The following B4GALT2 variants were observed in gnomAD, a reference collection of about 807,000 sequenced individuals.
The protein encoded by B4GALT2 is N-acetyllactosamine synthase.
Under a neutral mutation model 33.2 loss-of-function variants are expected in B4GALT2, and 18 were observed. That is an observed-to-expected ratio of 0.54 (90% CI 0.38 to 0.80). The LOEUF (loss-of-function observed/expected upper bound fraction) is 0.80. B4GALT2 is among the 30% of genes least tolerant of loss of function. The pLI, the probability that B4GALT2 is intolerant of heterozygous loss-of-function variation, is 0.00. For synonymous variants in B4GALT2, 214 were observed against 217.6 expected (o/e 0.98, Z 0.15); for missense variants, 404 against 526.2 (o/e 0.77, Z 2.27).
At chr1:43,989,997 A>T (rs2085708034) in intron 6 of B4GALT2, among the ~76,000 whole-genome samples, 1 of 152,254 alleles carries the variant, frequency 6.6e-6, no homozygotes. Flanking sequence ...CTTGCCTGGC[A>T]TGGCCTTAGA....
In B4GALT2 at chr1:43,985,298, T is replaced by C; in HGVS notation, c.761T>C (p.Phe254Ser). ...FGFRLPYAGY[F>S]GGVSGLSKAQ... ...CACAGGCTTCCCTATGCTGGCTACT[T>C]TGGAGGTGTGTCAGGCCTGAGTAAG... Residue 254 changes from phenylalanine to serine, a missense_variant, in exon 5 of 7, where the codon TTT (phenylalanine) becomes TCT (serine). Phe to Ser is a radical substitution (Grantham distance 155, BLOSUM62 -2). Transcript: ENST00000372324. 6.2e-7 allele frequency: 1 copy of C among 1,612,926 alleles called. No individual in the cohort carries two copies. The highest frequency in any genetic ancestry group is 8.5e-7 in the Non-Finnish European group (1 of 1,179,416).
chr1:43,981,623 A>T lies in B4GALT2; in HGVS notation c.314-66A>T. Reference sequence around the variant, plus strand: ...GGTTCCCTAGCCCACCCCCAGGCTGAGGGTGGGGGCTGGTATCTGTGGATT... The same window carrying T: ...GGTTCCCTAGCCCACCCCCAGGCTGTGGGTGGGGGCTGGTATCTGTGGATT... On this transcript the variant is annotated intron_variant, in intron 2 of 6. Transcript: ENST00000372324. This position sits in a 1 kb window ranked among gnomAD's most constrained non-coding sequence, Gnocchi z 8.1. 1 of 1,542,732 alleles carries T rather than the reference A, an allele frequency of 6.5e-7. No homozygotes were observed. The highest frequency in any genetic ancestry group is 8.8e-7 in the Non-Finnish European group (1 of 1,138,874).
rs757052345 is a variant in B4GALT2, at chr1:43,990,429, C to T, written c.1100C>T (p.Ser367Leu). ...NITVDIGRPP[S>L]WPPRG ...ACAGTGGACATTGGGCGGCCTCCGTCGTGGCCCCCTCGGGGCTGACACTAA... is the reference window on the plus strand; with the variant it reads ...ACAGTGGACATTGGGCGGCCTCCGTTGTGGCCCCCTCGGGGCTGACACTAA... The change falls in exon 7 of 7, where the codon TCG becomes TTG. Residue 367 changes from serine (S) to leucine (L), a missense_variant. Physicochemically the swap from Ser to Leu is moderately radical, Grantham distance 145. Coordinates refer to ENST00000372324, the MANE Select transcript of B4GALT2 (RefSeq NM_003780.5). 2.3e-5 allele frequency: 37 copies of T among 1,613,980 alleles called. No homozygotes were observed. Among genetic ancestry groups the T allele is most frequent in the South Asian group, 1.5e-4 (14 of 91,066 alleles).
Position 43,988,122 on chromosome 1 carries a change from C to T in B4GALT2, c.969-2176C>T, listed in dbSNP as rs376166177. Among the ~76,000 whole-genome samples the T allele has an allele frequency of 5.3e-4, 81 of 152,188 alleles. 2 individuals are homozygous for T. In the South Asian group the frequency reaches 0.016, roughly 30 times the overall value. The stretch of plus-strand genomic sequence containing the variant: ...AGCTGGCAAGAGAGTCACTAAAGAA[C>T]GAGGAACAGAGAAAATGGCACAGGC... On this transcript the variant is annotated intron_variant, in intron 6 of 6. Transcript: ENST00000372324.
Position 43,981,454 on chromosome 1 carries a change from T to C in B4GALT2, c.294T>C (p.Pro98=). 7 of 1,583,988 alleles carry C rather than the reference T, an allele frequency of 4.4e-6. No individual in the cohort carries two copies. The highest frequency in any genetic ancestry group is 6.0e-6 in the Non-Finnish European group (7 of 1,169,058). The change falls in exon 2 of 7, where the codon CCT becomes CCC. Residue 98 remains proline (P), a synonymous_variant. Transcript: ENST00000372324. This position sits in a 1 kb window ranked among gnomAD's most constrained non-coding sequence, Gnocchi z 8.1. ...GPTAPTLPPC[P]DSPPGLVGRL... is the part of the protein sequence containing the mutation. ...CGGCTCCCACGCTGCCACCCTGTCC[T>C]GACTCGCCACCTGGTCTTGGTGAGC...
intron 6 of B4GALT2, chr1:43,986,028 T>A (rs1381742033): frequency 1.3e-5 from 3 of 227,604 alleles, no homozygotes; most frequent in African/African-American, 4.5e-5. Context: ...ACAGCTCCTG[T>A]GGACCTGACA....
rs370667673 is a variant in B4GALT2, at chr1:43,990,453, A to C, written c.*5A>C. 1.1e-5 allele frequency: 18 copies of C among 1,613,872 alleles called. No homozygotes were observed. Among genetic ancestry groups the C allele is most frequent in the Non-Finnish European group, 1.4e-5 (17 of 1,179,972 alleles). ...TCGTGGCCCCCTCGGGGCTGACACT[A>C]ATGGACAGAGGCTCTCGGTGCCGAA... On this transcript the variant is annotated 3_prime_UTR_variant, in exon 7 of 7. Transcript: ENST00000372324.
chr1:43,985,433 TGGGGG>T, intron 5 of B4GALT2, 33 bp downstream of exon 5: 1 of 143,550 alleles, frequency 7.0e-6, no homozygotes, highest in Non-Finnish European at 1.2e-5. Context: ...ATAGGCTGGG[TGGGGG>T]GGGGAGGGGG....
Position 43,982,756 on chromosome 1 carries a change from A to G in B4GALT2, c.549+832A>G, listed in dbSNP as rs999561384. On this transcript the variant is annotated intron_variant, in intron 3 of 6. Transcript: ENST00000372324. The surrounding 1 kb of genome is among the most constrained non-coding windows in gnomAD (Gnocchi z 4.3). ...GCATGCTGGCAGTAAGTCCAGCGCA[A>G]AAGTGACAGGGCACCATGTAAGGTT... 2.0e-5 allele frequency among the ~76,000 whole-genome samples: 3 copies of G among 152,232 alleles called. No homozygotes were observed. Among genetic ancestry groups the G allele is most frequent in the Admixed American group, 6.5e-5 (1 of 15,280 alleles).
rs747976431 is a variant in B4GALT2 at position 43,985,333 on chromosome 1, C to T, written c.796C>T (p.Leu266=). ...GVSGLSKAQF[L]RINGFPNEYW... The stretch of plus-strand genomic sequence containing the variant: ...GTCAGGCCTGAGTAAGGCTCAGTTT[C>T]TGAGAATCAATGGCTTCCCCAATGA... Residue 266 remains leucine (L), a synonymous_variant, in exon 5 of 7, where the codon CTG becomes TTG. Coordinates refer to ENST00000372324, the MANE Select transcript of B4GALT2 (RefSeq NM_003780.5). The T allele has an allele frequency of 6.2e-7, 1 of 1,611,282 alleles. No homozygotes were observed. Among genetic ancestry groups the T allele is most frequent in the African/African-American group, 1.3e-5 (1 of 74,476 alleles).
rs528723212 is a variant in B4GALT2 at position 43,984,612 on chromosome 1, G to A, written c.550-253G>A. Among the ~76,000 whole-genome samples, 15 of 152,320 alleles carry A rather than the reference G, an allele frequency of 9.8e-5. No individual in the cohort carries two copies. The highest frequency in any genetic ancestry group is 3.1e-4 in the African/African-American group (13 of 41,568). On this transcript the variant is annotated intron_variant, in intron 3 of 6. Coordinates refer to ENST00000372324, the MANE Select transcript of B4GALT2 (RefSeq NM_003780.5). This position sits in a 1 kb window ranked among gnomAD's most constrained non-coding sequence, Gnocchi z 5.6. Reference sequence around the variant, plus strand: ...GGCAAGGAAGAGTCTGGCATATTCCGGGGCTGCTGAGGGATGTTGTGTGGC... The same window carrying A: ...GGCAAGGAAGAGTCTGGCATATTCCAGGGCTGCTGAGGGATGTTGTGTGGC...
rs2085728189 is a variant in B4GALT2 at position 43,991,057 on chromosome 1, G to C, written c.*609G>C. 1 of 159,000 alleles carries C rather than the reference G, an allele frequency of 6.3e-6. No individual in the cohort carries two copies. Among genetic ancestry groups the C allele is most frequent in the South Asian group, 1.8e-4 (1 of 5,664 alleles). 9.8% of individuals were successfully genotyped at this position (159,000 alleles called of 1,614,324 possible). A position where few individuals can be genotyped will look rare whatever the true frequency, so the allele number is the denominator to read the frequency against. ...AGGCAGGTGGGGCTTGGATCAGTAA[G>C]TCTGGTTCCCGCCTCCCTGTCTGAG... On this transcript the variant is annotated 3_prime_UTR_variant, in exon 7 of 7. Transcript: ENST00000372324.
At chr1:43,980,936 G>A (rs1181169463) in intron 1 of B4GALT2, among the ~76,000 whole-genome samples, 173 bp from the exon 2 acceptor site, 1 of 152,180 alleles carries the variant, frequency 6.6e-6, no homozygotes, top group Middle Eastern at 3.2e-3. Context: ...GCCGGGAACT[G>A]TGCCTGGGTG....
chr1:43,985,452 GC>G (rs2085648044), intron 5 of B4GALT2, 52 bp downstream of exon 5: 21 of 846,218 alleles, frequency 2.5e-5, no homozygotes, highest in South Asian at 5.2e-5. Context: ...GAGGGGGGGT[GC>G]AGACTGGGTG....
At chr1:43,985,808 C>T (rs1368563368) in intron 6 of B4GALT2, 187 bp downstream of exon 6, 2 of 619,944 alleles carry the variant, frequency 3.2e-6, no homozygotes, top group Non-Finnish European at 2.9e-6. Flanking sequence ...ACTGCTGGCA[C>T]CCCTGATCGT....
At chr1:43,990,084 T>C (rs1433111991) in intron 6 of B4GALT2, among the ~76,000 whole-genome samples, 4 of 152,234 alleles carry the variant, frequency 2.6e-5, no homozygotes, top group Non-Finnish European at 4.4e-5. Flanking sequence ...TTGACGTTAA[T>C]GCTGGTCATT....
chr1:43,985,945 C>T lies in B4GALT2; in HGVS notation c.968+324C>T, dbSNP rs567809877. On this transcript the variant is annotated intron_variant, in intron 6 of 6. Coordinates refer to ENST00000372324, the MANE Select transcript of B4GALT2 (RefSeq NM_003780.5). ...AGTAGATTGCATTCCTATTGGTGCC[C>T]TCGAAGACCTCACTTGTGCACCTGT... 3.0e-3 allele frequency: 1,133 copies of T among 378,036 alleles called. 4 individuals are homozygous for T. Among genetic ancestry groups the T allele is most frequent in the Non-Finnish European group, 4.2e-3 (845 of 201,166 alleles). 23.4% of individuals were successfully genotyped at this position (378,036 alleles called of 1,614,324 possible).
In B4GALT2 at chr1:43,981,656, A is replaced by G. The variant is rs755138600; in HGVS notation, c.314-33A>G. 1.0e-5 allele frequency: 16 copies of G among 1,577,688 alleles called. No homozygotes were observed. Among genetic ancestry groups the G allele is most frequent in the Middle Eastern group, 1.7e-4 (1 of 5,924 alleles). On this transcript the variant is annotated intron_variant, in intron 2 of 6. Coordinates refer to ENST00000372324, the MANE Select transcript of B4GALT2 (RefSeq NM_003780.5). The surrounding 1 kb of genome is among the most constrained non-coding windows in gnomAD (Gnocchi z 8.1). ...GGCTGGTATCTGTGGATTCTGGCCA[A>G]TGCCCTGATTCCTGACACTGTCCTG...
At chr1:43,986,041 G>A (rs946976315) in intron 6 of B4GALT2, 8 of 218,596 alleles carry the variant, frequency 3.7e-5, no homozygotes, top group Non-Finnish European at 6.5e-5. Context: ...ACCTGACAAA[G>A]GGGACCTGAG....
Sources: allele counts gnomAD v4.1 joint callset (sites outside exome capture counted in the v4.1 genomes callset), GRCh38; gene constraint gnomAD v4.1.1; non-coding constraint Gnocchi (gnomAD v3.1); transcripts MANE v1.5; gene names NCBI Gene and HGNC (gene_info 2026-07-23, HGNC 2026-07-21).